The following FAM199X variants were observed in gnomAD, a reference collection of about 807,000 sequenced individuals.
FAM199X encodes the protein protein FAM199X.
A neutral mutation model predicts 22.9 loss-of-function variants in FAM199X; 4 were observed. The observed-to-expected ratio is 0.17, with a 90% CI of 0.09 to 0.40. The LOEUF (loss-of-function observed/expected upper bound fraction) is 0.40, where lower values mean the gene tolerates loss of function less well. Among genes scored for constraint, FAM199X ranks in the 10% least tolerant of loss-of-function variants. The pLI is 1.00. For missense variants in FAM199X, 183 were observed against 306.8 expected, an observed-to-expected ratio of 0.60 and a Z score of 3.01; for synonymous variants, 101 against 112.3, an observed-to-expected ratio of 0.90 and a Z score of 0.64.
chrX:104,189,952 AGTT>A lies in FAM199X; in HGVS notation c.*178_*180del. On this transcript the variant is annotated 3_prime_UTR_variant, in exon 6 of 6. Transcript: ENST00000493442. ...CCTGCAGCTTCAGCATCACTTGAGA[AGTT>A]GTTAGGAATGCATACTAGTGGGCCC... 2.2e-6 allele frequency: 1 copy of A among 458,051 alleles called. No homozygotes were observed. The allele number at this position is 458,051 out of a possible 1,213,427, so 37.7% of individuals were successfully genotyped here.
At chrX:104,177,844 A>G (rs1921531960) in intron 2 of FAM199X, among the ~76,000 whole-genome samples, 1 of 112,047 alleles carries the variant, frequency 8.9e-6, no homozygotes, top group East Asian at 2.8e-4. Flanking sequence ...CCCTTATCAG[A>G]TATATGATTT....
At chrX:104,179,851 G>A (rs1921599710) in intron 2 of FAM199X, among the ~76,000 whole-genome samples, 1 of 111,099 alleles carries the variant, frequency 9.0e-6, no homozygotes, top group South Asian at 3.8e-4. Flanking sequence ...TCTAGCTTTG[G>A]TGTCCAGGTA....
intron 2 of FAM199X, among the ~76,000 whole-genome samples, chrX:104,184,500 A>G (rs1473454188): frequency 7.1e-5 from 8 of 111,955 alleles, no homozygotes; most frequent in Middle Eastern, 4.7e-3. Flanking sequence ...ATCCATTCTA[A>G]CTTTTGGAGG....
chrX:104,189,356 A>G (rs993002071), intron 5 of FAM199X, among the ~76,000 whole-genome samples: 15 of 111,744 alleles, frequency 1.3e-4, no homozygotes, highest in African/African-American at 4.9e-4. Context: ...GTGACTTTTT[A>G]TCTATCACTA....
chrX:104,164,540 C>G (rs1000174740), upstream of FAM199X, among the ~76,000 whole-genome samples: 1 of 111,456 alleles, frequency 9.0e-6, no homozygotes, highest in African/African-American at 3.3e-5. Context: ...TTAGACTCCG[C>G]TTTAAAAAAA....
chrX:104,167,949 T>C (rs1232209885), intron 1 of FAM199X, among the ~76,000 whole-genome samples: 1 of 111,326 alleles, frequency 9.0e-6, no homozygotes, highest in Non-Finnish European at 1.9e-5. Context: ...TGGAAAATAC[T>C]GGAGATAAAT....
At chrX:104,187,351 G>A (rs1556379418) in intron 4 of FAM199X, among the ~76,000 whole-genome samples, 1 of 111,801 alleles carries the variant, frequency 8.9e-6, no homozygotes, top group African/African-American at 3.3e-5. Context: ...CAAAGTGCTG[G>A]GATTACAGGC....
chrX:104,182,621 T>G (rs977276516), intron 2 of FAM199X, among the ~76,000 whole-genome samples: 37 of 111,690 alleles, frequency 3.3e-4, no homozygotes, highest in African/African-American at 1.2e-3. Context: ...CACCTCATAC[T>G]ATGTTTTTTT....
At chrX:104,171,170 C>T (rs960072823) in intron 1 of FAM199X, among the ~76,000 whole-genome samples, 10 of 111,071 alleles carry the variant, frequency 9.0e-5, no homozygotes, top group South Asian at 3.8e-4. Flanking sequence ...TTAATTTTAA[C>T]GTTTAAATGG....
At chrX:104,161,843 A>C (rs1341230904), upstream of FAM199X, among the ~76,000 whole-genome samples, 1 of 110,829 alleles carries the variant, frequency 9.0e-6, no homozygotes, top group Admixed American at 9.6e-5. Context: ...TCTGTCTAAA[A>C]ACCAAAAAAA....
intron 2 of FAM199X, among the ~76,000 whole-genome samples, chrX:104,185,140 C>G (rs1213033061): frequency 9.7e-5 from 10 of 103,183 alleles, no homozygotes; most frequent in African/African-American, 3.6e-4. Flanking sequence ...CTCCTAGGCT[C>G]AAGCAGTCCT....
At chrX:104,166,017 T>G (rs1300618299), upstream of FAM199X, among the ~76,000 whole-genome samples, 3 of 111,755 alleles carry the variant, frequency 2.7e-5, no homozygotes, top group Non-Finnish European at 5.6e-5. Flanking sequence ...TGGAGTTAGG[T>G]GATCAAGGGT....
chrX:104,179,727 G>T (rs891888488), intron 2 of FAM199X, among the ~76,000 whole-genome samples: 1 of 110,713 alleles, frequency 9.0e-6, no homozygotes, highest in South Asian at 3.9e-4. Context: ...CTAATCTTAG[G>T]GGAGAGGTTC....
intron 2 of FAM199X, among the ~76,000 whole-genome samples, chrX:104,180,704 T>C (rs1440547220): frequency 8.9e-6 from 1 of 112,272 alleles, no homozygotes; most frequent in African/African-American, 3.2e-5. Flanking sequence ...ATTTGTGGGA[T>C]TTTGTAATCA....
rs1921249628 is a variant in FAM199X at position 104,167,716 on chromosome X, A to T, written c.197+734A>T. 2.7e-5 allele frequency among the ~76,000 whole-genome samples: 3 copies of T among 111,249 alleles called. No individual in the cohort carries two copies. In the South Asian group the frequency reaches 1.1e-3, roughly 43 times the overall value. Reference sequence around the variant, plus strand: ...AGGCTTAGGATGGACTGACTTACACAAATTTATTCAGAGGGTGTATCTCCT... The same window carrying T: ...AGGCTTAGGATGGACTGACTTACACTAATTTATTCAGAGGGTGTATCTCCT... On this transcript the variant is annotated intron_variant, in intron 1 of 5. Transcript: ENST00000493442.
intron 2 of FAM199X, among the ~76,000 whole-genome samples, chrX:104,176,503 C>T (rs1050563768): frequency 8.9e-6 from 1 of 112,240 alleles, no homozygotes; most frequent in Non-Finnish European, 1.9e-5. Context: ...AGATTTTATT[C>T]GCTAGATAAA....
intron 2 of FAM199X, among the ~76,000 whole-genome samples, chrX:104,185,014 G>T (rs994295977): frequency 2.4e-4 from 25 of 103,666 alleles, no homozygotes; most frequent in Non-Finnish European, 4.3e-4. Context: ...GGGCCCAAGC[G>T]ATCCTCCCAC....
chrX:104,169,127 A>G (rs1322488234), intron 1 of FAM199X, among the ~76,000 whole-genome samples: 4 of 111,907 alleles, frequency 3.6e-5, no homozygotes, highest in African/African-American at 9.8e-5. Flanking sequence ...GCTTCCAGCC[A>G]TTTCTTTTCA....
intron 2 of FAM199X, among the ~76,000 whole-genome samples, chrX:104,183,595 G>T (rs1370221619): frequency 9.0e-6 from 1 of 110,882 alleles, no homozygotes; most frequent in East Asian, 2.8e-4. Context: ...CTCCTGAGTA[G>T]CTGGGATTAC....
Sources: allele counts gnomAD v4.1 joint callset (sites outside exome capture counted in the v4.1 genomes callset), GRCh38; gene constraint gnomAD v4.1.1; transcripts MANE v1.5; gene names NCBI Gene and HGNC (gene_info 2026-07-23, HGNC 2026-07-21).